The following UBXN6 variants were observed in gnomAD, a reference collection of about 807,000 sequenced individuals.
UBXN6 encodes UBX domain protein 6.
UBXN6 carries 44 observed loss-of-function variants against 51.4 expected under a neutral mutation model. That is an observed-to-expected ratio of 0.86 (90% CI 0.67 to 1.10). The LOEUF (loss-of-function observed/expected upper bound fraction) is 1.10. Ranked by LOEUF, UBXN6 falls within the 50% of genes least tolerant of loss-of-function variation. UBXN6 has a pLI of 0.00. For missense variants in UBXN6, 672 were observed against 596.1 expected (o/e 1.13, Z -1.32); for synonymous variants, 316 against 263.2 (o/e 1.20, Z -1.94).
chr19:4,445,261 T>G lies in UBXN6; in HGVS notation c.*237A>C. ...ACCAAGCAGCTAGGGAGGGCTTAGATTTGTTGGTGTCCCCAGGCCTCTCCC... is the reference window on the plus strand; with the variant it reads ...ACCAAGCAGCTAGGGAGGGCTTAGAGTTGTTGGTGTCCCCAGGCCTCTCCC... On this transcript the variant is annotated 3_prime_UTR_variant, in exon 11 of 11. Transcript: ENST00000301281. 1.7e-4 allele frequency: 90 copies of G among 530,986 alleles called. No homozygotes were observed. The highest frequency in any genetic ancestry group is 5.6e-4 in the Middle Eastern group (1 of 1,792). The allele number at this position is 530,986 out of a possible 1,614,324, so 32.9% of individuals were successfully genotyped here. A position where few individuals can be genotyped will look rare whatever the true frequency, so the allele number is the denominator to read the frequency against.
At position 4,446,159 on chromosome 19, in the gene UBXN6, C is replaced by T. The variant is rs775713602; in HGVS notation, c.1090G>A (p.Gly364Arg). 44 of 1,609,758 alleles carry T rather than the reference C, an allele frequency of 2.7e-5. No individual in the cohort carries two copies. The highest frequency in any genetic ancestry group is 3.3e-5 in the Non-Finnish European group (39 of 1,179,472). Residue 364 changes from glycine to arginine, a missense_variant, in exon 10 of 11, where the codon GGG becomes AGG. By Grantham distance (125) the Gly-to-Arg change is moderately radical. Coordinates refer to ENST00000301281, the MANE Select transcript of UBXN6 (RefSeq NM_025241.3). ...CTCTGCAGGGCCTCCCGGACGAACC[C>T]GTACACCGCCCCCAGCCGCTCCCGA... ...YARERLGAVY[G>R]FVREALQSDW...
Position 4,446,060 on chromosome 19 carries a change from C to T in UBXN6, c.1189G>A (p.Glu397Lys), listed in dbSNP as rs74788480. 8.7e-5 allele frequency: 140 copies of T among 1,611,698 alleles called. No homozygotes were observed. The East Asian group carries it at 3.0e-3, about 34-fold the overall frequency. ...GGGCCGACACTCACCAGCCCGCACTCGTTCAAGGCCAGGTTCTCGTCCTCG... is the reference window on the plus strand; with the variant it reads ...GGGCCGACACTCACCAGCCCGCACTTGTTCAAGGCCAGGTTCTCGTCCTCG... Reference protein sequence around the residue: ...LSEDENLALNECGLVPSALLT... With the variant: ...LSEDENLALNKCGLVPSALLT... The change falls in exon 10 of 11, where the codon GAG becomes AAG. Residue 397 changes from glutamate to lysine, a missense_variant. Physicochemically the swap from Glu to Lys is moderately conservative, Grantham distance 56. Coordinates refer to ENST00000301281, the MANE Select transcript of UBXN6 (RefSeq NM_025241.3).
At chr19:4,455,102 C>G in intron 1 of UBXN6, 1 of 621,812 alleles carries the variant, frequency 1.6e-6, no homozygotes, top group Non-Finnish European at 2.0e-6. Context: ...AAGGAGAGTT[C>G]CGTAACCCAC....
intron 10 of UBXN6, 69 bp downstream of exon 10, chr19:4,445,980 G>A (rs745431736): frequency 6.5e-7 from 1 of 1,531,252 alleles, no homozygotes; most frequent in African/African-American, 1.4e-5. Flanking sequence ...TCCTGGGGGT[G>A]TCTGTGCCGG....
rs370962024 is a variant in UBXN6, at chr19:4,446,150, G to A, written c.1099C>T (p.Arg367Trp). 35 of 1,610,886 alleles carry A rather than the reference G, an allele frequency of 2.2e-5. No homozygotes were observed. The highest frequency in any genetic ancestry group is 2.7e-5 in the African/African-American group (2 of 74,888). The change falls in exon 10 of 11, where the codon CGG (arginine) becomes TGG (tryptophan). Residue 367 changes from arginine (R) to tryptophan (W), a missense_variant. Coordinates refer to ENST00000301281, the MANE Select transcript of UBXN6 (RefSeq NM_025241.3). ...AGCCAGTCGCTCTGCAGGGCCTCCCGGACGAACCCGTACACCGCCCCCAGC... is the reference window on the plus strand; with the variant it reads ...AGCCAGTCGCTCTGCAGGGCCTCCCAGACGAACCCGTACACCGCCCCCAGC... ...ERLGAVYGFVREALQSDWLPF... is the reference protein window; with the variant it reads ...ERLGAVYGFVWEALQSDWLPF...
chr19:4,450,689 G>A (rs1416157708), intron 4 of UBXN6: 4 of 146,990 alleles, frequency 2.7e-5, no homozygotes, highest in African/African-American at 1.0e-4. Flanking sequence ...AACCTCGTAG[G>A]CGGAGCTTGC....
chr19:4,448,266 G>C (rs1974580547), intron 5 of UBXN6, 52 bp downstream of exon 5: 3 of 1,487,874 alleles, frequency 2.0e-6, no homozygotes. Context: ...AGTGGGAGGG[G>C]TGCTGGGATG....
chr19:4,445,653 A>C, intron 10 of UBXN6, 30 bp from the exon 11 acceptor site: 1 of 1,599,750 alleles, frequency 6.3e-7, no homozygotes, highest in East Asian at 2.2e-5. Flanking sequence ...TCACTCTGAG[A>C]CCGAGAGTCG....
intron 5 of UBXN6, 54 bp downstream of exon 5, chr19:4,448,264 G>C: frequency 6.1e-6 from 9 of 1,474,066 alleles, no homozygotes; most frequent in Non-Finnish European, 8.3e-6. Flanking sequence ...CCAGTGGGAG[G>C]GGTGCTGGGA....
chr19:4,450,055 T>G (rs952275864), intron 4 of UBXN6: 2 of 150,390 alleles, frequency 1.3e-5, no homozygotes, highest in African/African-American at 4.9e-5. Flanking sequence ...TGGTGAAACC[T>G]CATCTCTAAA....
intron 4 of UBXN6, 35 bp from the exon 5 acceptor site, chr19:4,448,450 A>G: frequency 6.4e-7 from 1 of 1,560,176 alleles, no homozygotes; most frequent in Non-Finnish European, 8.7e-7. Context: ...CCACTCACTG[A>G]GAGCCCGGGC....
intron 4 of UBXN6, chr19:4,450,758 C>CAAAAAAAAAAA (rs58900477): frequency 2.3e-5 from 1 of 43,776 alleles, no homozygotes; most frequent in African/African-American, 9.5e-5. Flanking sequence ...GACTCTGTCT[C>CAAAAAAAAAAA]AAAAAAAAAA....
Position 4,448,423 on chromosome 19 carries a change from G to C in UBXN6, c.442-8C>G, listed in dbSNP as rs769092781. ...TGGGTCGGTGGAGAAGTGCTGGGAG[G>C]AGGGAAGCAGGGAAAGCCACTCACT... On this transcript the variant is annotated splice_polypyrimidine_tract_variant and splice_region_variant and intron_variant, in intron 4 of 10. Coordinates refer to ENST00000301281, the MANE Select transcript of UBXN6 (RefSeq NM_025241.3). 1.1e-5 allele frequency: 18 copies of C among 1,600,210 alleles called. No homozygotes were observed. The East Asian group carries it at 4.1e-4, about 36-fold the overall frequency.
At chr19:4,455,163 A>G (rs1487845085) in intron 1 of UBXN6, 2 of 978,048 alleles carry the variant, frequency 2.0e-6, no homozygotes, top group Non-Finnish European at 2.4e-6. Context: ...CTTTCTCCCA[A>G]CCTGCTCGGA....
intron 4 of UBXN6, 61 bp from the exon 5 acceptor site, chr19:4,448,476 T>C: frequency 7.2e-7 from 1 of 1,383,766 alleles, no homozygotes; most frequent in Non-Finnish European, 1.0e-6. Flanking sequence ...GGCCCTCCGC[T>C]GCCCAGGTAA....
At chr19:4,450,758 C>CAAAAAAAAAAAAAA (rs58900477) in intron 4 of UBXN6, 1 of 43,776 alleles carries the variant, frequency 2.3e-5, no homozygotes, top group African/African-American at 9.5e-5. Flanking sequence ...GACTCTGTCT[C>CAAAAAAAAAAAAAA]AAAAAAAAAA....
intron 4 of UBXN6, 26 bp from the exon 5 acceptor site, chr19:4,448,441 C>T (rs371042638): frequency 8.5e-5 from 134 of 1,582,562 alleles, no homozygotes; most frequent in Non-Finnish European, 1.1e-4. Flanking sequence ...CAGGGAAAGC[C>T]ACTCACTGAG....
rs564609260 is a variant in UBXN6, at chr19:4,448,902, C to T, written c.442-487G>A. The T allele has an allele frequency of 1.4e-4, 23 of 163,300 alleles. No individual in the cohort carries two copies. In the South Asian group the frequency reaches 3.4e-3, roughly 24 times the overall value. The allele number at this position is 163,300 out of a possible 1,614,324, so 10.1% of individuals were successfully genotyped here. ...CCATCGTCCAGGGTCACAGGGATGGCAGGTGGCAGAGAGGACACAAATGAG... is the reference window on the plus strand; with the variant it reads ...CCATCGTCCAGGGTCACAGGGATGGTAGGTGGCAGAGAGGACACAAATGAG... On this transcript the variant is annotated intron_variant, in intron 4 of 10. Coordinates refer to ENST00000301281, the MANE Select transcript of UBXN6 (RefSeq NM_025241.3).
intron 3 of UBXN6, 52 bp from the exon 4 acceptor site, chr19:4,452,544 C>A (rs2145185805): frequency 6.4e-7 from 1 of 1,569,992 alleles, no homozygotes; most frequent in South Asian, 1.2e-5. Flanking sequence ...GCCACCCCGA[C>A]CCTCGCCGAG....
Sources: gnomAD v4.1 joint callset for allele counts on GRCh38, gnomAD v4.1.1 for gene constraint, MANE v1.5 for transcripts, NCBI Gene and HGNC (gene_info 2026-07-23, HGNC 2026-07-21) for gene names.